The following COIL variants were observed in gnomAD, a reference collection of about 807,000 sequenced individuals.
COIL encodes coilin p80.
Under a neutral mutation model 51.6 loss-of-function variants are expected in COIL, and 28 were observed. The ratio of observed to expected loss-of-function variants is 0.54; its 90% CI spans 0.40 to 0.74. The LOEUF (loss-of-function observed/expected upper bound fraction) is 0.74. COIL is among the 30% of genes least tolerant of loss of function. The probability of loss-of-function intolerance (pLI) is 0.00; values close to 1 mark genes in which losing one functional copy is unlikely to be tolerated. For missense variants in COIL, 667 were observed against 685.9 expected (o/e 0.97, Z 0.31); for synonymous variants, 233 against 255.8 (o/e 0.91, Z 0.85).
At chr17:56,946,965 G>C (rs72842331) in intron 4 of COIL, among the ~76,000 whole-genome samples, 4,711 of 152,250 alleles carry the variant, frequency 0.031, 101 homozygotes, top group Middle Eastern at 0.048. Context: ...TTCTAAAACA[G>C]TGATCACAAC....
intron 1 of COIL, among the ~76,000 whole-genome samples, chr17:56,953,410 C>CAAAAAAAA (rs11382949): frequency 7.1e-5 from 6 of 84,486 alleles, no homozygotes; most frequent in Non-Finnish European, 1.3e-4. Flanking sequence ...GACTCCGTCT[C>CAAAAAAAA]AAAAAAAAAA....
At position 56,960,821 on chromosome 17, in the gene COIL, G is replaced by A; in HGVS notation, c.199C>T (p.Pro67Ser). Residue 67 changes from proline to serine, a missense_variant, in exon 1 of 7, where the codon CCC becomes TCC. Pro to Ser is a moderately conservative substitution (Grantham distance 74). Transcript: ENST00000240316. ...LGLYLEGGLL[P>S]PAESARLVRD... ...ACAAGGCGCGCGCTCTCGGCGGGGGGCAAGAGCCCCCCCTCCAGGTAGAGG... is the reference window on the plus strand; with the variant it reads ...ACAAGGCGCGCGCTCTCGGCGGGGGACAAGAGCCCCCCCTCCAGGTAGAGG... The A allele has an allele frequency of 6.3e-7, 1 of 1,592,562 alleles. No homozygotes were observed. The highest frequency in any genetic ancestry group is 8.5e-7 in the Non-Finnish European group (1 of 1,171,424).
At chr17:56,944,445 A>G (rs1213339726) in intron 5 of COIL, among the ~76,000 whole-genome samples, 1 of 151,500 alleles carries the variant, frequency 6.6e-6, no homozygotes, top group African/African-American at 2.4e-5. Context: ...ACAAAAAATT[A>G]GCCAGGTGTG....
chr17:56,952,294 C>T (rs980058298), intron 1 of COIL: 8 of 475,878 alleles, frequency 1.7e-5, no homozygotes, highest in African/African-American at 7.9e-5. Flanking sequence ...TAACCTGCTC[C>T]CATCCCACCA....
At chr17:56,959,634 G>A (rs894452472) in intron 1 of COIL, among the ~76,000 whole-genome samples, 8 of 152,188 alleles carry the variant, frequency 5.3e-5, no homozygotes, top group Non-Finnish European at 1.2e-4. Flanking sequence ...AGTCTCAGGG[G>A]ACACTGGGCA....
In COIL at chr17:56,950,348, A is replaced by C; in HGVS notation, c.894T>G (p.Leu298=). 2 of 1,614,238 alleles carry C rather than the reference A, an allele frequency of 1.2e-6. No individual in the cohort carries two copies. Among genetic ancestry groups the C allele is most frequent in the Non-Finnish European group, 1.7e-6 (2 of 1,180,050 alleles). Residue 298 remains leucine, a synonymous_variant, in exon 2 of 7, where the codon CTT becomes CTG. Coordinates refer to ENST00000240316, the MANE Select transcript of COIL (RefSeq NM_004645.3). ...CCTTGCTGGGGGTAAGGCTAAAGCC[A>C]AGTTTTATAGCCAGTTTGTCTGCAG... The part of the protein sequence containing the change: ...NTTADKLAIK[L]GFSLTPSKGK...
chr17:56,946,566 C>A (rs1910254115), intron 4 of COIL, 55 bp from the exon 5 acceptor site: 1 of 1,096,676 alleles, frequency 9.1e-7, no homozygotes, highest in South Asian at 1.4e-5. Flanking sequence ...TGTGAATATA[C>A]TAAAAACCAC....
chr17:56,955,877 C>G (rs887569553), intron 1 of COIL, among the ~76,000 whole-genome samples: 7 of 152,002 alleles, frequency 4.6e-5, no homozygotes, highest in African/African-American at 1.7e-4. Flanking sequence ...AAGAATAAAT[C>G]CAACTGAATA....
Position 56,950,479 on chromosome 17 carries a change from C to G in COIL, c.763G>C (p.Glu255Gln). 1 of 1,614,194 alleles carries G rather than the reference C, an allele frequency of 6.2e-7. No homozygotes were observed. The highest frequency in any genetic ancestry group is 8.5e-7 in the Non-Finnish European group (1 of 1,180,032). The change falls in exon 2 of 7, where the codon GAA becomes CAA. Residue 255 changes from glutamate to glutamine, a missense_variant. By Grantham distance (29) the Glu-to-Gln change is conservative. Coordinates refer to ENST00000240316, the MANE Select transcript of COIL (RefSeq NM_004645.3). ...TTGCTGGGACCATCACTGATAGATT[C>G]ATCACAAGATTCAGACTCCGAGGAG... is the stretch of plus-strand genomic sequence containing the variant. ...SSSSESESCD[E>Q]SISDGPSKVT...
Position 56,960,809 on chromosome 17 carries a change from T to C in COIL, c.211A>G (p.Ser71Gly). The C allele has an allele frequency of 6.3e-7, 1 of 1,589,224 alleles. No individual in the cohort carries two copies. The highest frequency in any genetic ancestry group is 8.5e-7 in the Non-Finnish European group (1 of 1,169,778). ...TCGTTGTCTCTCACAAGGCGCGCGC[T>C]CTCGGCGGGGGGCAAGAGCCCCCCC... is the stretch of plus-strand genomic sequence containing the variant. The part of the protein sequence containing the change: ...LEGGLLPPAE[S>G]ARLVRDNDCL... Residue 71 changes from serine (S) to glycine (G), a missense_variant, in exon 1 of 7, where the codon AGC (serine) becomes GGC (glycine). Ser to Gly is a moderately conservative substitution (Grantham distance 56). Transcript: ENST00000240316.
intron 6 of COIL, among the ~76,000 whole-genome samples, chr17:56,941,430 T>G (rs1448380247): frequency 6.6e-6 from 1 of 151,868 alleles, no homozygotes; most frequent in East Asian, 1.9e-4. Flanking sequence ...ATTAGCTGGG[T>G]GAGGTGGCAA....
intron 4 of COIL, among the ~76,000 whole-genome samples, chr17:56,946,769 A>C (rs1398905074): frequency 6.6e-6 from 1 of 152,224 alleles, no homozygotes; most frequent in East Asian, 1.9e-4. Context: ...GGCAGACACT[A>C]TCTTAAATAA....
chr17:56,958,407 A>G (rs1910521198), intron 1 of COIL, among the ~76,000 whole-genome samples: 1 of 152,234 alleles, frequency 6.6e-6, no homozygotes, highest in Non-Finnish European at 1.5e-5. Context: ...TGGACATAAA[A>G]CAACAAAAAC....
At chr17:56,959,016 T>C (rs1321594804) in intron 1 of COIL, among the ~76,000 whole-genome samples, 1 of 151,698 alleles carries the variant, frequency 6.6e-6, no homozygotes, top group Admixed American at 6.6e-5. Flanking sequence ...TTCACAACTC[T>C]GGAATTAATT....
At chr17:56,940,874 C>T (rs1485138664) in intron 6 of COIL, among the ~76,000 whole-genome samples, 5 of 152,208 alleles carry the variant, frequency 3.3e-5, no homozygotes, top group South Asian at 2.1e-4. Flanking sequence ...GTGGCTCACA[C>T]GTGTAATCCT....
rs527841207 is a variant in COIL at position 56,955,195 on chromosome 17, G to GA, written c.246-4200_246-4199insT. On this transcript the variant is annotated intron_variant, in intron 1 of 6. Coordinates refer to ENST00000240316, the MANE Select transcript of COIL (RefSeq NM_004645.3). ...TTCTCCTGCCTCAGCCTCCCAAGTA[G>GA]CTGGGATTCCAGGTGCCTGCCACCA... 4.5e-3 allele frequency among the ~76,000 whole-genome samples: 689 copies of GA among 152,260 alleles called. 4 individuals are homozygous for GA. The highest frequency in any genetic ancestry group is 7.4e-3 in the Non-Finnish European group (504 of 68,026).
Position 56,950,218 on chromosome 17 carries a change from T to C in COIL, c.1024A>G (p.Lys342Glu), listed in dbSNP as rs1473613122. ...STPECAAGFL[K>E]TVGLFAGRGR... ...CTTCCTGCAAAAAGGCCTACTGTCT[T>C]TAAGAAACCCGCAGCACACTCCGGG... is the stretch of plus-strand genomic sequence containing the variant. Residue 342 changes from lysine (K) to glutamate (E), a missense_variant, in exon 2 of 7, where the codon AAG becomes GAG. Coordinates refer to ENST00000240316, the MANE Select transcript of COIL (RefSeq NM_004645.3). 7 of 1,613,982 alleles carry C rather than the reference T, an allele frequency of 4.3e-6. No individual in the cohort carries two copies. Among genetic ancestry groups the C allele is most frequent in the Non-Finnish European group, 5.9e-6 (7 of 1,180,038 alleles).
At chr17:56,958,530 G>T (rs1910522895) in intron 1 of COIL, among the ~76,000 whole-genome samples, 1 of 152,200 alleles carries the variant, frequency 6.6e-6, no homozygotes, top group African/African-American at 2.4e-5. Flanking sequence ...ATTTAGGAAA[G>T]ATTTGCCTGT....
chr17:56,954,726 A>G (rs142585686), intron 1 of COIL, among the ~76,000 whole-genome samples: 137 of 152,120 alleles, frequency 9.0e-4, no homozygotes, highest in Middle Eastern at 3.4e-3. Context: ...AATCCCAGCT[A>G]CTCAGGAGGC....
Sources: gnomAD v4.1 joint callset for allele counts (sites outside exome capture counted in the v4.1 genomes callset) on GRCh38, gnomAD v4.1.1 for gene constraint, MANE v1.5 for transcripts, NCBI Gene and HGNC (gene_info 2026-07-23, HGNC 2026-07-21) for gene names.